SLC44A1: variants seen among roughly 807,000 people sequenced by gnomAD.
SLC44A1 encodes solute carrier family 44 member 1, also known as choline transporter-like protein 1.
A neutral mutation model predicts 79.3 loss-of-function variants in SLC44A1; 26 were observed. The ratio of observed to expected loss-of-function variants is 0.33; its 90% CI spans 0.24 to 0.46. The LOEUF (loss-of-function observed/expected upper bound fraction) is 0.46, where lower values mean the gene tolerates loss of function less well. SLC44A1 is among the 20% of genes least tolerant of loss of function. The probability of loss-of-function intolerance (pLI) is 1.00; values close to 1 mark genes in which losing one functional copy is unlikely to be tolerated. For missense variants in SLC44A1, 688 were observed against 798.1 expected (o/e 0.86, Z 1.66); for synonymous variants, 263 against 286.2 (o/e 0.92, Z 0.82).
In SLC44A1 at chr9:105,389,354, A is replaced by T; in HGVS notation, c.*298A>T. The T allele has an allele frequency of 9.0e-7, 1 of 1,108,742 alleles. No homozygotes were observed. The highest frequency in any genetic ancestry group is 1.1e-6 in the Non-Finnish European group (1 of 909,478). The allele number at this position is 1,108,742 out of a possible 1,614,324, so 68.7% of individuals were successfully genotyped here. On this transcript the variant is annotated 3_prime_UTR_variant, in exon 16 of 16. Coordinates refer to ENST00000374720, the MANE Select transcript of SLC44A1 (RefSeq NM_080546.5). ...TGTCTTAATGGAAATGTTAAAATTC[A>T]TATCTGATTAACATTTTTAATAACT... is the stretch of plus-strand genomic sequence containing the variant.
intron 12 of SLC44A1, among the ~76,000 whole-genome samples, chr9:105,371,209 A>C (rs1828087530): frequency 6.6e-6 from 1 of 152,216 alleles, no homozygotes; most frequent in Non-Finnish European, 1.5e-5. Flanking sequence ...TTCCACATAC[A>C]GTAGATGAGT....
chr9:105,379,223 C>T (rs1469268627), intron 13 of SLC44A1, among the ~76,000 whole-genome samples: 1 of 152,026 alleles, frequency 6.6e-6, no homozygotes, highest in Non-Finnish European at 1.5e-5. Context: ...TTCAGTGAGC[C>T]GTGATCACAC....
At chr9:105,315,400 A>G (rs1754263395) in intron 3 of SLC44A1, among the ~76,000 whole-genome samples, 2 of 151,582 alleles carry the variant, frequency 1.3e-5, no homozygotes, top group African/African-American at 4.9e-5. Context: ...TATTTTAAGG[A>G]AACTCCATAT....
At chr9:105,371,122 A>G (rs1828084495) in intron 12 of SLC44A1, among the ~76,000 whole-genome samples, 2 of 152,326 alleles carry the variant, frequency 1.3e-5, no homozygotes, top group South Asian at 4.1e-4. Context: ...AAGATGCTGA[A>G]AGATTGGAAG....
chr9:105,386,005 G>GT, intron 15 of SLC44A1: 1 of 985,256 alleles, frequency 1.0e-6, no homozygotes, highest in Non-Finnish European at 1.2e-6. Flanking sequence ...TGTTGCCTAG[G>GT]TTGTACTTTC....
At position 105,290,049 on chromosome 9, in the gene SLC44A1, C is replaced by T. The variant is rs1830567939; in HGVS notation, c.37-9171C>T. Reference sequence around the variant, plus strand: ...CAGGCTGGTCTCGAACTCCTGACCTCAGGTGATCCACCCTCCTTGGCCTCC... The same window carrying T: ...CAGGCTGGTCTCGAACTCCTGACCTTAGGTGATCCACCCTCCTTGGCCTCC... On this transcript the variant is annotated intron_variant, in intron 1 of 15. Coordinates refer to ENST00000374720, the MANE Select transcript of SLC44A1 (RefSeq NM_080546.5). Among the ~76,000 whole-genome samples, 3 of 152,230 alleles carry T rather than the reference C, an allele frequency of 2.0e-5. No individual in the cohort carries two copies. In the South Asian group the frequency reaches 6.2e-4, roughly 32 times the overall value.
At chr9:105,316,543 C>G (rs1014790409) in intron 3 of SLC44A1, among the ~76,000 whole-genome samples, 2 of 151,772 alleles carry the variant, frequency 1.3e-5, no homozygotes, top group African/African-American at 4.8e-5. Context: ...CTCTTTTTTC[C>G]TAAGTTTTCT....
At chr9:105,264,185 G>C (rs2131217957) in intron 1 of SLC44A1, among the ~76,000 whole-genome samples, 1 of 152,018 alleles carries the variant, frequency 6.6e-6, no homozygotes, top group East Asian at 1.9e-4. Flanking sequence ...GTTTGTTTGA[G>C]ATGGAGTCTA....
At chr9:105,353,335 C>G (rs1431600044) in intron 5 of SLC44A1, among the ~76,000 whole-genome samples, 1 of 152,128 alleles carries the variant, frequency 6.6e-6, no homozygotes, top group Non-Finnish European at 1.5e-5. Flanking sequence ...GCAGATATTA[C>G]CCAGCATTTC....
At chr9:105,365,902 T>C (rs554505377) in intron 11 of SLC44A1, among the ~76,000 whole-genome samples, 1 of 152,284 alleles carries the variant, frequency 6.6e-6, no homozygotes, top group Admixed American at 6.5e-5. Context: ...TAGAACTTCT[T>C]CCCTTCCTTG....
chr9:105,257,869 T>C (rs1188182052), intron 1 of SLC44A1, among the ~76,000 whole-genome samples: 1 of 152,184 alleles, frequency 6.6e-6, no homozygotes, highest in Non-Finnish European at 1.5e-5. Context: ...AGATGTTATG[T>C]TGCATTTGGG....
chr9:105,404,233 C>CAAAAAAAAAAAAAAAAA (rs71489339), intron 15 of SLC44A1, among the ~76,000 whole-genome samples: 2 of 44,450 alleles, frequency 4.5e-5, no homozygotes, highest in African/African-American at 6.6e-5. Flanking sequence ...GGACTCATCT[C>CAAAAAAAAAAAAAAAAA]AAAAAAAAAA....
intron 1 of SLC44A1, among the ~76,000 whole-genome samples, chr9:105,285,179 A>AT (rs946140078): frequency 1.3e-5 from 2 of 152,160 alleles, no homozygotes; most frequent in African/African-American, 4.8e-5. Context: ...ATTGTATGTG[A>AT]TTTTTTTAAT....
intron 3 of SLC44A1, among the ~76,000 whole-genome samples, chr9:105,311,890 G>C (rs1283831648): frequency 6.6e-6 from 1 of 152,116 alleles, no homozygotes; most frequent in African/African-American, 2.4e-5. Flanking sequence ...AGCAGTCTTT[G>C]TGTTTGTCAC....
chr9:105,289,167 C>A (rs1830545253), intron 1 of SLC44A1, among the ~76,000 whole-genome samples: 1 of 152,118 alleles, frequency 6.6e-6, no homozygotes, highest in African/African-American at 2.4e-5. Context: ...AGAGACCTAG[C>A]CTGGTTTATT....
chr9:105,343,752 C>G (rs527716344), intron 4 of SLC44A1, among the ~76,000 whole-genome samples: 1 of 144,746 alleles, frequency 6.9e-6, no homozygotes, highest in African/African-American at 2.5e-5. Context: ...GCATCAGATA[C>G]AAAGTACAGT....
chr9:105,411,785 G>A (rs545263820), intron 15 of SLC44A1, among the ~76,000 whole-genome samples: 1 of 152,246 alleles, frequency 6.6e-6, no homozygotes, highest in African/African-American at 2.4e-5. Flanking sequence ...GAATACCACA[G>A]AAGGCATAAC....
At chr9:105,288,710 A>G (rs1830533559) in intron 1 of SLC44A1, among the ~76,000 whole-genome samples, 1 of 152,246 alleles carries the variant, frequency 6.6e-6, no homozygotes, top group Non-Finnish European at 1.5e-5. Flanking sequence ...ATTACTTTCT[A>G]AAAGTGGTTA....
rs1828781282 is a variant in SLC44A1 at position 105,392,397 on chromosome 9, CTCTCTCTT to C, written c.*3343_*3350del. On this transcript the variant is annotated 3_prime_UTR_variant, in exon 16 of 16. Coordinates refer to ENST00000374720, the MANE Select transcript of SLC44A1 (RefSeq NM_080546.5). ...TCTTTTGTAGAGATGCTCTCTCTCTCTCTCTCTTTTTTTTTTTTTTTTTTTTTTTTTTT... is the reference window on the plus strand; with the variant it reads ...TCTTTTGTAGAGATGCTCTCTCTCTCTTTTTTTTTTTTTTTTTTTTTTTTT... 1 of 873,716 alleles carries C rather than the reference CTCTCTCTT, an allele frequency of 1.1e-6. No individual in the cohort carries two copies. Among genetic ancestry groups the C allele is most frequent in the African/African-American group, 2.4e-5 (1 of 41,344 alleles). 54.1% of individuals were successfully genotyped at this position (873,716 alleles called of 1,614,324 possible). A position where few individuals can be genotyped will look rare whatever the true frequency, so the allele number is the denominator to read the frequency against.
Sources: gnomAD v4.1 joint callset for allele counts (sites outside exome capture counted in the v4.1 genomes callset) on GRCh38, gnomAD v4.1.1 for gene constraint, MANE v1.5 for transcripts, NCBI Gene and HGNC (gene_info 2026-07-23, HGNC 2026-07-21) for gene names.